PRKD1: variants seen among roughly 807,000 people sequenced by gnomAD.
PRKD1 encodes the protein serine/threonine-protein kinase D1.
Under a neutral mutation model 95.9 loss-of-function variants are expected in PRKD1, and 63 were observed. The observed-to-expected ratio is 0.66, with a 90% confidence interval of 0.54 to 0.81. PRKD1 has a LOEUF of 0.81. Ranked by LOEUF, PRKD1 falls within the 30% of genes least tolerant of loss-of-function variation. The pLI, the probability that PRKD1 is intolerant of heterozygous loss-of-function variation, is 0.00. For synonymous variants in PRKD1, 425 were observed against 423.1 expected (o/e 1.00, Z -0.05); for missense variants, 1,048 against 1,165.3 (o/e 0.90, Z 1.47).
intron 1 of PRKD1, among the ~76,000 whole-genome samples, chr14:29,848,272 T>C (rs937701278): frequency 6.6e-6 from 1 of 152,026 alleles, no homozygotes; most frequent in Non-Finnish European, 1.5e-5. Flanking sequence ...AAAAGGTGGA[T>C]GGCCATTATT....
intron 1 of PRKD1, among the ~76,000 whole-genome samples, chr14:29,871,113 T>TTG (rs1893090210): frequency 1.3e-5 from 2 of 152,178 alleles, no homozygotes; most frequent in African/African-American, 4.8e-5. Context: ...TGACAAAACT[T>TTG]TACTGAGGAC....
intron 2 of PRKD1, among the ~76,000 whole-genome samples, chr14:29,699,736 T>A (rs955686795): frequency 5.9e-5 from 9 of 152,328 alleles, no homozygotes; most frequent in Middle Eastern, 6.8e-3. Context: ...ATTTATTTTC[T>A]AAATAGATAT....
chr14:29,778,148 C>T (rs569899888), intron 1 of PRKD1, among the ~76,000 whole-genome samples: 7 of 147,958 alleles, frequency 4.7e-5, no homozygotes, highest in African/African-American at 1.7e-4. Flanking sequence ...TAAAGCACTA[C>T]AAATTTATAG....
intron 1 of PRKD1, among the ~76,000 whole-genome samples, chr14:29,900,280 G>A (rs1894276255): frequency 6.6e-6 from 1 of 152,196 alleles, no homozygotes; most frequent in African/African-American, 2.4e-5. Flanking sequence ...AGGTTAGTCA[G>A]AAAGCAAGTG....
At chr14:29,676,183 G>GTTTTTTTTTTTTTTTTTTTTTTTTTTTT (rs34953735) in intron 2 of PRKD1, among the ~76,000 whole-genome samples, 2 of 67,450 alleles carry the variant, frequency 3.0e-5, no homozygotes, top group Non-Finnish European at 5.6e-5. Context: ...TTACGTTTTT[G>GTTTTTTTTTTTTTTTTTTTTTTTTTTTT]TTTTTTTTTT....
chr14:29,710,870 G>C (rs1415310046), intron 2 of PRKD1, among the ~76,000 whole-genome samples: 7 of 152,080 alleles, frequency 4.6e-5, no homozygotes, highest in African/African-American at 1.7e-4. Flanking sequence ...TGAAACCCTT[G>C]CTAGGGTTTT....
chr14:29,742,940 C>G (rs1355208566), intron 1 of PRKD1, among the ~76,000 whole-genome samples: 1 of 152,144 alleles, frequency 6.6e-6, no homozygotes, highest in East Asian at 1.9e-4. Flanking sequence ...CCATGAAGGT[C>G]TGAGATATGC....
chr14:29,782,025 T>G (rs556604684), intron 1 of PRKD1, among the ~76,000 whole-genome samples: 1 of 152,336 alleles, frequency 6.6e-6, no homozygotes, highest in African/African-American at 2.4e-5. Flanking sequence ...CAGATGTGCA[T>G]CTACAATATA....
intron 1 of PRKD1, among the ~76,000 whole-genome samples, chr14:29,788,654 C>T (rs900007270): frequency 2.0e-4 from 30 of 152,062 alleles, no homozygotes; most frequent in Admixed American, 3.9e-4. Context: ...GACCTGTCTT[C>T]CAATTCAGAA....
chr14:29,664,933 AT>A (rs1208703537), intron 3 of PRKD1, among the ~76,000 whole-genome samples: 1 of 152,184 alleles, frequency 6.6e-6, no homozygotes, highest in Non-Finnish European at 1.5e-5. Flanking sequence ...TGTGTATTCA[AT>A]GTCTACTATT....
Position 29,638,920 on chromosome 14 carries a change from C to A in PRKD1, c.697-16G>T, listed in dbSNP as rs1880569448. The A allele has an allele frequency of 6.2e-7, 1 of 1,604,244 alleles. No homozygotes were observed. The highest frequency in any genetic ancestry group is 1.3e-5 in the African/African-American group (1 of 74,604). ...GTGATTTTTGCTACATTTTGGAAAA[C>A]AATAAAGGAAGCAAGATGTAAGAGG... On this transcript the variant is annotated splice_polypyrimidine_tract_variant and intron_variant, in intron 4 of 17. Coordinates refer to ENST00000331968, the MANE Select transcript of PRKD1 (RefSeq NM_002742.3).
chr14:29,860,610 C>T (rs1000928552), intron 1 of PRKD1, among the ~76,000 whole-genome samples: 3 of 152,158 alleles, frequency 2.0e-5, no homozygotes, highest in African/African-American at 7.2e-5. Context: ...ACAGCTATAA[C>T]TTTAGAAATT....
chr14:29,625,579 T>A (rs139080898), intron 12 of PRKD1, among the ~76,000 whole-genome samples: 1 of 152,304 alleles, frequency 6.6e-6, no homozygotes, highest in East Asian at 1.9e-4. Context: ...TGTAGAGCAG[T>A]AATCAAACAT....
chr14:29,846,635 T>C (rs193291331), intron 1 of PRKD1, among the ~76,000 whole-genome samples: 32 of 152,186 alleles, frequency 2.1e-4, no homozygotes, highest in South Asian at 4.2e-4. Context: ...ATGCAGAAGG[T>C]TTATAGCAGA....
chr14:29,863,234 G>T (rs1235967147), intron 1 of PRKD1, among the ~76,000 whole-genome samples: 1 of 152,038 alleles, frequency 6.6e-6, no homozygotes, highest in Non-Finnish European at 1.5e-5. Flanking sequence ...GGTCCCTTTA[G>T]TATCCTTTCA....
At chr14:29,758,191 G>T (rs1420586149) in intron 1 of PRKD1, among the ~76,000 whole-genome samples, 1 of 136,040 alleles carries the variant, frequency 7.4e-6, no homozygotes, top group Non-Finnish European at 1.6e-5. Context: ...AAGAGAGAAA[G>T]AAAAAAAAAA....
chr14:29,683,818 C>T (rs916110212), intron 2 of PRKD1, among the ~76,000 whole-genome samples: 3 of 152,176 alleles, frequency 2.0e-5, no homozygotes, highest in Non-Finnish European at 4.4e-5. Context: ...TGACCCCAGA[C>T]CACAGCCAGG....
At chr14:29,732,470 C>A (rs1172370531) in intron 1 of PRKD1, among the ~76,000 whole-genome samples, 1 of 151,852 alleles carries the variant, frequency 6.6e-6, no homozygotes, top group East Asian at 1.9e-4. Flanking sequence ...TTAGAAAAAC[C>A]AAAATAGAAT....
chr14:29,744,400 A>G (rs1887117855), intron 1 of PRKD1, among the ~76,000 whole-genome samples: 1 of 152,008 alleles, frequency 6.6e-6, no homozygotes, highest in Non-Finnish European at 1.5e-5. Flanking sequence ...AATATACTCC[A>G]AATCCAAAGT....
Sources: gnomAD v4.1 joint callset for allele counts (sites outside exome capture counted in the v4.1 genomes callset) on GRCh38, gnomAD v4.1.1 for gene constraint, MANE v1.5 for transcripts, NCBI Gene and HGNC (gene_info 2026-07-23, HGNC 2026-07-21) for gene names.